The following DPYD variants were observed in gnomAD, a reference collection of about 807,000 sequenced individuals.
DPYD encodes dihydropyrimidine dehydrogenase.
In DPYD, 109 loss-of-function variants were observed where a neutral mutation model predicts 116.2. The ratio of observed to expected loss-of-function variants is 0.94; its 90% CI spans 0.80 to 1.10. The LOEUF (loss-of-function observed/expected upper bound fraction) is 1.10. Among genes scored for constraint, DPYD ranks in the 50% least tolerant of loss-of-function variants. DPYD has a pLI of 0.00. For synonymous variants in DPYD, 440 were observed against 432.0 expected (o/e 1.02, Z -0.23); for missense variants, 1,302 against 1,254.5 (o/e 1.04, Z -0.57).
At chr1:97,881,242 T>C (rs1672204140) in intron 2 of DPYD, among the ~76,000 whole-genome samples, 1 of 151,982 alleles carries the variant, frequency 6.6e-6, no homozygotes, top group East Asian at 1.9e-4. Flanking sequence ...CCTAATCCAA[T>C]ATAGCCGATG....
At position 97,756,022 on chromosome 1, in the gene DPYD, A is replaced by G. The variant is rs1042044515; in HGVS notation, c.234-15543T>C. Among the ~76,000 whole-genome samples the G allele has an allele frequency of 4.6e-5, 7 of 152,166 alleles. No homozygotes were observed. In the East Asian group the frequency reaches 1.3e-3, roughly 29 times the overall value. ...ACCACATCAGTTACTGTGAAAATAA[A>G]TGAGGTAATTATGACAAGCACCAAC... On this transcript the variant is annotated intron_variant, in intron 3 of 22. Transcript: ENST00000370192.
chr1:97,363,530 T>C (rs1441873438), intron 16 of DPYD, among the ~76,000 whole-genome samples: 1 of 152,084 alleles, frequency 6.6e-6, no homozygotes, highest in African/African-American at 2.4e-5. Context: ...CTATTCACAA[T>C]AGCAAAAACT....
intron 21 of DPYD, among the ~76,000 whole-genome samples, chr1:97,093,481 A>G (rs894270668): frequency 6.6e-6 from 1 of 152,212 alleles, no homozygotes; most frequent in East Asian, 1.9e-4. Flanking sequence ...ATTATAGCTA[A>G]TAGTAACATT....
At chr1:97,166,885 T>C (rs777235753) in intron 20 of DPYD, among the ~76,000 whole-genome samples, 1 of 152,338 alleles carries the variant, frequency 6.6e-6, no homozygotes, top group African/African-American at 2.4e-5. Flanking sequence ...CAGAATTTAA[T>C]GCAGATACAG....
At chr1:97,423,948 A>G (rs1442717983) in intron 14 of DPYD, among the ~76,000 whole-genome samples, 5 of 152,004 alleles carry the variant, frequency 3.3e-5, no homozygotes, top group Non-Finnish European at 7.4e-5. Flanking sequence ...CCAAATATGC[A>G]GCCAAAAATA....
At chr1:97,672,870 T>C (rs1048209748) in intron 8 of DPYD, among the ~76,000 whole-genome samples, 4 of 152,196 alleles carry the variant, frequency 2.6e-5, no homozygotes, top group Non-Finnish European at 5.9e-5. Context: ...TTATCTGTTA[T>C]TTGTCTGTTA....
chr1:97,216,916 C>T lies in DPYD; in HGVS notation c.2442+17936G>A, dbSNP rs150593102. Among the ~76,000 whole-genome samples the T allele has an allele frequency of 2.3e-3, 347 of 151,320 alleles. 3 individuals are homozygous for T. Among genetic ancestry groups the T allele is most frequent in the African/African-American group, 7.9e-3 (324 of 41,238 alleles). ...AATTTTCTCATGTTTGTGTCAAAACCTTAATTGAGGATCTGGCACCGTGGC... is the reference window on the plus strand; with the variant it reads ...AATTTTCTCATGTTTGTGTCAAAACTTTAATTGAGGATCTGGCACCGTGGC... On this transcript the variant is annotated intron_variant, in intron 19 of 22. Transcript: ENST00000370192.
At chr1:97,767,544 T>A (rs993546389) in intron 3 of DPYD, among the ~76,000 whole-genome samples, 1 of 152,076 alleles carries the variant, frequency 6.6e-6, no homozygotes. Flanking sequence ...TCCTAATTTG[T>A]CTGACGGAGG....
At chr1:97,147,601 G>C (rs1654719295) in intron 20 of DPYD, among the ~76,000 whole-genome samples, 1 of 152,142 alleles carries the variant, frequency 6.6e-6, no homozygotes, top group African/African-American at 2.4e-5. Context: ...GGTCCTAAAA[G>C]CCTAAACCAG....
At chr1:97,195,430 C>T (rs1570644461) in intron 19 of DPYD, among the ~76,000 whole-genome samples, 1 of 149,186 alleles carries the variant, frequency 6.7e-6, no homozygotes, top group East Asian at 2.0e-4. Context: ...TCGTGCCTAG[C>T]ATGCTACCTG....
At chr1:97,593,026 T>C (rs1239062742) in intron 10 of DPYD, among the ~76,000 whole-genome samples, 192 bp downstream of exon 10, 1 of 152,238 alleles carries the variant, frequency 6.6e-6, no homozygotes, top group East Asian at 1.9e-4. Context: ...TTTCTCATTT[T>C]ACCCAAATCA....
At chr1:97,401,850 T>C (rs80121219) in intron 14 of DPYD, among the ~76,000 whole-genome samples, 17,178 of 152,212 alleles carry the variant, frequency 0.11, 1,264 homozygotes, top group Non-Finnish European at 0.17. Flanking sequence ...CATGTGAACA[T>C]GCAGTTGTTC....
chr1:97,652,398 AT>A (rs1658639526), intron 8 of DPYD, among the ~76,000 whole-genome samples: 1 of 152,222 alleles, frequency 6.6e-6, no homozygotes, highest in African/African-American at 2.4e-5. Flanking sequence ...GTTTATAAAT[AT>A]TCTGTTTCAT....
intron 20 of DPYD, among the ~76,000 whole-genome samples, chr1:97,143,582 C>G (rs748105419): frequency 1.1e-4 from 17 of 152,068 alleles, no homozygotes; most frequent in Admixed American, 3.3e-4. Flanking sequence ...GACTCAGTGT[C>G]AACCTCTATA....
intron 1 of DPYD, among the ~76,000 whole-genome samples, chr1:97,906,581 G>A (rs536102435): frequency 2.7e-4 from 41 of 152,120 alleles, no homozygotes; most frequent in South Asian, 1.7e-3. Flanking sequence ...TTAAGCTTTC[G>A]AAAAATGTAT....
intron 12 of DPYD, among the ~76,000 whole-genome samples, chr1:97,525,876 GT>G: frequency 8.2e-6 from 1 of 121,242 alleles, no homozygotes. Flanking sequence ...GTGTGCGTGT[GT>G]GTGTGTGTGC....
chr1:97,677,071 T>C (rs1274072360), intron 8 of DPYD, among the ~76,000 whole-genome samples: 2 of 152,202 alleles, frequency 1.3e-5, no homozygotes, highest in African/African-American at 2.4e-5. Flanking sequence ...GGGGACTTAA[T>C]AGTATAAAAT....
At chr1:97,666,209 G>T (rs1659547613) in intron 8 of DPYD, among the ~76,000 whole-genome samples, 2 of 151,994 alleles carry the variant, frequency 1.3e-5, no homozygotes, top group Admixed American at 6.6e-5. Flanking sequence ...ATCTCACTCT[G>T]TCACCTAGGC....
chr1:97,630,796 G>A (rs997024241), intron 8 of DPYD, among the ~76,000 whole-genome samples: 6 of 152,098 alleles, frequency 3.9e-5, no homozygotes, highest in African/African-American at 1.4e-4. Flanking sequence ...GAAGGGATAA[G>A]CCTTCCACTT....
Sources: allele counts gnomAD v4.1 joint callset (sites outside exome capture counted in the v4.1 genomes callset), GRCh38; gene constraint gnomAD v4.1.1; transcripts MANE v1.5; gene names NCBI Gene and HGNC (gene_info 2026-07-23, HGNC 2026-07-21).